Variants in COL5A2 observed in about 807,000 individuals in gnomAD.
COL5A2 encodes collagen alpha-2(V) chain.
In COL5A2, 23 loss-of-function variants were observed where a neutral mutation model predicts 208.2. The observed-to-expected ratio is 0.11, with a 90% CI of 0.08 to 0.16. COL5A2 has a LOEUF of 0.16. COL5A2 is among the 10% of genes least tolerant of loss of function. The probability of loss-of-function intolerance (pLI) is 1.00; values close to 1 mark genes in which losing one functional copy is unlikely to be tolerated. For missense variants in COL5A2, 1,590 were observed against 1,956.4 expected, an observed-to-expected ratio of 0.81 and a Z score of 3.53; for synonymous variants, 625 against 628.5, an observed-to-expected ratio of 0.99 and a Z score of 0.08.
At chr2:189,054,504 A>T (rs941105382) in intron 35 of COL5A2, among the ~76,000 whole-genome samples, 1 of 152,212 alleles carries the variant, frequency 6.6e-6, no homozygotes, top group Non-Finnish European at 1.5e-5. Flanking sequence ...ATGCTAAGCT[A>T]CAAAAATGTT....
the COL5A2 span, among the ~76,000 whole-genome samples, chr2:189,255,647 A>G: frequency 3.9e-5 from 6 of 152,202 alleles, no homozygotes; most frequent in Non-Finnish European, 8.8e-5. Context: ...TAACTTTACT[A>G]TAGGTTGGTT....
the COL5A2 span, among the ~76,000 whole-genome samples, chr2:189,415,207 T>C: frequency 6.6e-6 from 1 of 152,212 alleles, no homozygotes; most frequent in South Asian, 2.1e-4. Flanking sequence ...TTATTTCTAA[T>C]AGTGATATGT....
At position 189,179,593 on chromosome 2, in the gene COL5A2, G is replaced by A; in HGVS notation, c.12C>T (p.Asn4=). The change falls in exon 1 of 54, where the codon AAC becomes AAT. Residue 4 remains asparagine, a synonymous_variant. Coordinates refer to ENST00000374866, the MANE Select transcript of COL5A2 (RefSeq NM_000393.5). MMA[N]WAEARPLLIL... ...TGAGGAGAGGTCTTGCTTCCGCCCA[G>A]TTTGCCATCATGTCTAAATATTAGA... 1 of 1,606,118 alleles carries A rather than the reference G, an allele frequency of 6.2e-7. No individual in the cohort carries two copies. Among genetic ancestry groups the A allele is most frequent in the Non-Finnish European group, 8.5e-7 (1 of 1,175,238 alleles).
intron 1 of COL5A2, among the ~76,000 whole-genome samples, chr2:189,190,113 A>AG (rs1688904626): frequency 1.3e-5 from 2 of 152,206 alleles, no homozygotes; most frequent in Admixed American, 6.5e-5. Context: ...CCTACAAAAA[A>AG]GGGGGGGTCA....
intron 1 of COL5A2, among the ~76,000 whole-genome samples, chr2:189,112,980 A>G (rs1220210436): frequency 1.3e-5 from 2 of 152,196 alleles, no homozygotes; most frequent in Non-Finnish European, 2.9e-5. Context: ...ATTAAGTTTT[A>G]TGATTGAGAA....
the COL5A2 span, among the ~76,000 whole-genome samples, chr2:189,265,342 T>C: frequency 1.3e-5 from 2 of 152,152 alleles, no homozygotes; most frequent in Admixed American, 6.5e-5. Flanking sequence ...CGGAGCCATA[T>C]TCTCTCTGAA....
chr2:189,160,047 T>A (rs1047515790), intron 1 of COL5A2, among the ~76,000 whole-genome samples: 1 of 152,064 alleles, frequency 6.6e-6, no homozygotes, highest in African/African-American at 2.4e-5. Flanking sequence ...CATAGAGTGT[T>A]GTTCTTGGTG....
At chr2:189,393,042 T>G in the COL5A2 span, among the ~76,000 whole-genome samples, 2 of 152,194 alleles carry the variant, frequency 1.3e-5, no homozygotes, top group Admixed American at 1.3e-4. Context: ...AAAAAAAACT[T>G]TACTGTAGGA....
the COL5A2 span, among the ~76,000 whole-genome samples, chr2:189,365,029 GAATATAAGAAAA>G: frequency 3.9e-5 from 6 of 152,088 alleles, no homozygotes; most frequent in African/African-American, 1.4e-4. Context: ...TGTAGCCAAA[GAATATAAGAAAA>G]AATATAGAGG....
chr2:189,389,047 T>C, the COL5A2 span, among the ~76,000 whole-genome samples: 147 of 152,304 alleles, frequency 9.7e-4, 2 homozygotes, highest in African/African-American at 3.2e-3. Context: ...AATGTTCTAT[T>C]AGTCTGTTAT....
At chr2:189,128,107 G>A (rs1389065646) in intron 1 of COL5A2, among the ~76,000 whole-genome samples, 1 of 152,020 alleles carries the variant, frequency 6.6e-6, no homozygotes, top group Non-Finnish European at 1.5e-5. Flanking sequence ...AGTACCTGAT[G>A]TAGCTGCCCA....
At chr2:189,429,977 G>A in the COL5A2 span, among the ~76,000 whole-genome samples, 1 of 152,096 alleles carries the variant, frequency 6.6e-6, no homozygotes, top group Non-Finnish European at 1.5e-5. Context: ...AAAAGGAAAA[G>A]GCTTTATTAA....
chr2:189,212,594 G>A (rs181254330), intron 1 of COL5A2, among the ~76,000 whole-genome samples: 1,913 of 150,816 alleles, frequency 0.013, 24 homozygotes, highest in South Asian at 0.024. Context: ...AGCCGAGATC[G>A]TGCCACTTCA....
the COL5A2 span, among the ~76,000 whole-genome samples, chr2:189,232,190 G>A: frequency 6.6e-6 from 1 of 151,728 alleles, no homozygotes; most frequent in Non-Finnish European, 1.5e-5. Context: ...TGGGCACTTC[G>A]TAAACCTTCT....
chr2:189,269,389 C>G, the COL5A2 span, among the ~76,000 whole-genome samples: 616 of 152,114 alleles, frequency 4.0e-3, 36 homozygotes, highest in East Asian at 0.093. Context: ...ATAAATAACT[C>G]TTATTATTTT....
chr2:189,105,118 G>C (rs759325890), intron 2 of COL5A2, among the ~76,000 whole-genome samples: 1 of 151,528 alleles, frequency 6.6e-6, no homozygotes, highest in Non-Finnish European at 1.5e-5. Flanking sequence ...TGTAATTTGG[G>C]GTTTTCCTAG....
In COL5A2 at chr2:189,121,683, G is replaced by A. The variant is rs1049466521; in HGVS notation, c.98-11234C>T. On this transcript the variant is annotated intron_variant, in intron 1 of 53. Transcript: ENST00000374866. ...ACCTGGGAGGCAGAGCTTGCAGTGA[G>A]CCGAAATTGCACCACTGCACTCCAG... Among the ~76,000 whole-genome samples the A allele has an allele frequency of 4.2e-4, 50 of 118,036 alleles. No individual in the cohort carries two copies. In the Admixed American group the frequency reaches 4.3e-3, roughly 10 times the overall value. The allele number at this position is 118,036 out of a possible 152,430, so 77.4% of individuals were successfully genotyped here.
chr2:189,249,208 A>T, the COL5A2 span, among the ~76,000 whole-genome samples: 2 of 152,212 alleles, frequency 1.3e-5, no homozygotes, highest in African/African-American at 4.8e-5. Context: ...ATTATCATTA[A>T]TTGCAAGCAT....
the COL5A2 span, among the ~76,000 whole-genome samples, chr2:189,347,546 T>C: frequency 1.3e-5 from 2 of 152,182 alleles, no homozygotes; most frequent in Non-Finnish European, 2.9e-5. Flanking sequence ...TCATGAAATG[T>C]CTAAAATCTA....
Sources: gnomAD v4.1 joint callset for allele counts (sites outside exome capture counted in the v4.1 genomes callset) on GRCh38, gnomAD v4.1.1 for gene constraint, MANE v1.5 for transcripts, NCBI Gene and HGNC (gene_info 2026-07-23, HGNC 2026-07-21) for gene names.